CDH13: variants seen among roughly 807,000 people sequenced by gnomAD.
CDH13 encodes cadherin-13.
Under a neutral mutation model 63.8 loss-of-function variants are expected in CDH13, and 24 were observed. That is an observed-to-expected ratio of 0.38 (90% CI 0.27 to 0.53). The LOEUF (loss-of-function observed/expected upper bound fraction) is 0.53, where lower values mean the gene tolerates loss of function less well. Ranked by LOEUF, CDH13 falls within the 20% of genes least tolerant of loss-of-function variation. The pLI is 0.85. For missense variants in CDH13, 1,049 were observed against 903.1 expected, an observed-to-expected ratio of 1.16 and a Z score of -2.07; for synonymous variants, 503 against 355.3, an observed-to-expected ratio of 1.42 and a Z score of -4.67.
intron 8 of CDH13, among the ~76,000 whole-genome samples, chr16:83,616,229 A>G (rs866167727): frequency 5.9e-5 from 9 of 152,344 alleles, no homozygotes; most frequent in Middle Eastern, 3.4e-3. Flanking sequence ...TCTGTGTGGA[A>G]TGTCAAAACA....
intron 4 of CDH13, among the ~76,000 whole-genome samples, chr16:83,178,573 T>C (rs1199424234): frequency 6.6e-6 from 1 of 152,216 alleles, no homozygotes; most frequent in Non-Finnish European, 1.5e-5. Context: ...AAAATGCTGA[T>C]TTGAAATTCA....
intron 5 of CDH13, among the ~76,000 whole-genome samples, chr16:83,342,469 A>G (rs541942212): frequency 6.6e-6 from 1 of 152,348 alleles, no homozygotes; most frequent in Non-Finnish European, 1.5e-5. Context: ...TTTAGAGACC[A>G]TTCCAAAGGT....
chr16:83,134,576 AGAGAGAGAGAGAGAGAGT>A (rs1375195618), intron 4 of CDH13, among the ~76,000 whole-genome samples: 1,808 of 61,876 alleles, frequency 0.029, 144 homozygotes, highest in African/African-American at 0.12. Flanking sequence ...AGAGAGAGAG[AGAGAGAGAGAGAGAGAGT>A]GAGTTACATG....
intron 1 of CDH13, among the ~76,000 whole-genome samples, chr16:82,751,605 G>T (rs1289591244): frequency 6.6e-6 from 1 of 151,106 alleles, no homozygotes; most frequent in Non-Finnish European, 1.5e-5. Flanking sequence ...GGAAAGGTCA[G>T]ACTTATCCTT....
intron 11 of CDH13, among the ~76,000 whole-genome samples, chr16:83,760,055 A>G (rs1406472823): frequency 6.6e-6 from 1 of 152,226 alleles, no homozygotes; most frequent in Non-Finnish European, 1.5e-5. Flanking sequence ...AAATCCTAAC[A>G]AATGTATGAA....
At position 83,216,443 on chromosome 16, in the gene CDH13, T is replaced by TATACAC. The variant is rs1472700247; in HGVS notation, c.484-901_484-900insTACACA. On this transcript the variant is annotated intron_variant, in intron 4 of 13. Transcript: ENST00000567109. ...ATATATATATATATATATATATATA[T>TATACAC]ACACAACCCTAATTTGAGGTTTATA... is the stretch of plus-strand genomic sequence containing the variant. Among the ~76,000 whole-genome samples the TATACAC allele has an allele frequency of 1.6e-3, 149 of 93,428 alleles. 3 individuals carry two copies. The highest frequency in any genetic ancestry group is 5.5e-3 in the African/African-American group (140 of 25,378). The allele number at this position is 93,428 out of a possible 152,430, so 61.3% of individuals were successfully genotyped here. A position where few individuals can be genotyped will look rare whatever the true frequency, so the allele number is the denominator to read the frequency against.
intron 1 of CDH13, among the ~76,000 whole-genome samples, chr16:82,704,235 A>G (rs2031293606): frequency 6.6e-6 from 1 of 152,130 alleles, no homozygotes; most frequent in Admixed American, 6.5e-5. Flanking sequence ...CACTGCCTCT[A>G]GCATGTTTTG....
chr16:83,734,363 G>A (rs1597146205), intron 10 of CDH13, among the ~76,000 whole-genome samples: 1 of 152,094 alleles, frequency 6.6e-6, no homozygotes, highest in African/African-American at 2.4e-5. Flanking sequence ...GGAAATGGGA[G>A]GTCAGTCTCA....
At chr16:82,893,288 C>T (rs1398447651) in intron 2 of CDH13, among the ~76,000 whole-genome samples, 2 of 152,184 alleles carry the variant, frequency 1.3e-5, no homozygotes, top group Non-Finnish European at 2.9e-5. Context: ...ATAGACATGG[C>T]TTAAAATAGG....
At chr16:83,201,751 A>T (rs1330964420) in intron 4 of CDH13, among the ~76,000 whole-genome samples, 6 of 151,744 alleles carry the variant, frequency 4.0e-5, no homozygotes, top group Non-Finnish European at 8.8e-5. Flanking sequence ...AATTAAAAAA[A>T]AAAAAAACAC....
At position 83,230,488 on chromosome 16, in the gene CDH13, T is replaced by C. The variant is rs901231630; in HGVS notation, c.636+12991T>C. On this transcript the variant is annotated intron_variant, in intron 5 of 13. Transcript: ENST00000567109. The stretch of plus-strand genomic sequence containing the variant: ...CCCTATTCCCAAATCTGGAATTATT[T>C]TTAGAAAGCTGTCCCAGGCCGGCAC... 7.2e-5 allele frequency among the ~76,000 whole-genome samples: 11 copies of C among 152,092 alleles called. 1 individual carries two copies. The highest frequency in any genetic ancestry group is 2.2e-4 in the African/African-American group (9 of 41,416).
intron 6 of CDH13, among the ~76,000 whole-genome samples, chr16:83,398,776 T>C (rs9924659): frequency 0.011 from 1,695 of 152,310 alleles, 30 homozygotes; most frequent in African/African-American, 0.039. Flanking sequence ...TTCTTTGAAA[T>C]AGCACCTTTT....
In CDH13 at chr16:83,035,990, C is replaced by A. The variant is rs868641631; in HGVS notation, c.366+3772C>A. Among the ~76,000 whole-genome samples the A allele has an allele frequency of 4.6e-5, 7 of 152,248 alleles. No homozygotes were observed. The South Asian group carries it at 1.5e-3, about 32-fold the overall frequency. On this transcript the variant is annotated intron_variant, in intron 3 of 13. Coordinates refer to ENST00000567109, the MANE Select transcript of CDH13 (RefSeq NM_001257.5). ...CCTCACAACAGTATGCTAAGGGAAG[C>A]TGTTACTGTTACTGGTGCTGTTATC...
chr16:82,654,836 G>A (rs1458127900), intron 1 of CDH13, among the ~76,000 whole-genome samples: 1 of 152,016 alleles, frequency 6.6e-6, no homozygotes, highest in Admixed American at 6.6e-5. Flanking sequence ...AAAGGTATGT[G>A]CCTGGCCTTG....
At chr16:83,314,616 T>C (rs2090068436) in intron 5 of CDH13, among the ~76,000 whole-genome samples, 1 of 152,092 alleles carries the variant, frequency 6.6e-6, no homozygotes, top group African/African-American at 2.4e-5. Flanking sequence ...CACAACTTCA[T>C]ATGGGGCTCA....
rs536873813 is a variant in CDH13 at position 82,944,548 on chromosome 16, G to C, written c.157+86075G>C. Among the ~76,000 whole-genome samples, 7 of 152,262 alleles carry C rather than the reference G, an allele frequency of 4.6e-5. No individual in the cohort carries two copies. In the East Asian group the frequency reaches 1.4e-3, roughly 29 times the overall value. ...TTTTTTGTTGTGACAGTGTGGACCA[G>C]GAGTGGGAGGAGAACATGACTAGCA... On this transcript the variant is annotated intron_variant, in intron 2 of 13. Transcript: ENST00000567109.
intron 1 of CDH13, among the ~76,000 whole-genome samples, chr16:82,710,615 A>G (rs1462422300): frequency 7.0e-6 from 1 of 142,900 alleles, no homozygotes; most frequent in African/African-American, 2.5e-5. Context: ...TAAAGTATAT[A>G]TGATATACAA....
rs559458791 is a variant in CDH13, at chr16:83,284,710, G to T, written c.637-60152G>T. ...ATAATATAGTAAATATAAGTATAGT[G>T]AATATAATTACTTTGATTACATAAG... is the stretch of plus-strand genomic sequence containing the variant. On this transcript the variant is annotated intron_variant, in intron 5 of 13. Transcript: ENST00000567109. Among the ~76,000 whole-genome samples, 5 of 151,994 alleles carry T rather than the reference G, an allele frequency of 3.3e-5. No homozygotes were observed. In the South Asian group the frequency reaches 1.0e-3, roughly 32 times the overall value.
intron 4 of CDH13, among the ~76,000 whole-genome samples, chr16:83,134,338 C>T (rs752298328): frequency 8.6e-5 from 13 of 151,990 alleles, no homozygotes; most frequent in Non-Finnish European, 8.8e-5. Context: ...TACAGGCGCC[C>T]GCCACCATGC....
Sources: allele counts gnomAD v4.1 joint callset (sites outside exome capture counted in the v4.1 genomes callset), GRCh38; gene constraint gnomAD v4.1.1; transcripts MANE v1.5; gene names NCBI Gene and HGNC (gene_info 2026-07-23, HGNC 2026-07-21).